Variants in ZBTB16 observed in about 807,000 individuals in gnomAD.
ZBTB16 encodes the protein zinc finger and BTB domain containing 16.
A neutral mutation model predicts 56.8 loss-of-function variants in ZBTB16; 8 were observed. The observed-to-expected ratio is 0.14, with a 90% CI of 0.08 to 0.25. The LOEUF (loss-of-function observed/expected upper bound fraction) is 0.25. Among genes scored for constraint, ZBTB16 ranks in the 10% least tolerant of loss-of-function variants. ZBTB16 has a pLI of 1.00. For synonymous variants in ZBTB16, 363 were observed against 368.5 expected, an observed-to-expected ratio of 0.98 and a Z score of 0.17; for missense variants, 625 against 903.0, an observed-to-expected ratio of 0.69 and a Z score of 3.95.
chr11:114,132,702 G>A (rs890620349), intron 2 of ZBTB16, among the ~76,000 whole-genome samples: 13 of 152,216 alleles, frequency 8.5e-5, no homozygotes, highest in Non-Finnish European at 1.2e-4. Context: ...ACCAGGTTTT[G>A]AGTCCATCTC....
chr11:114,177,955 T>TA (rs1255929076), intron 3 of ZBTB16, among the ~76,000 whole-genome samples: 1 of 152,218 alleles, frequency 6.6e-6, no homozygotes, highest in East Asian at 1.9e-4. Context: ...CATGTATTTT[T>TA]AAAAACATAA....
intron 4 of ZBTB16, among the ~76,000 whole-genome samples, chr11:114,229,090 G>A (rs949778584): frequency 4.6e-5 from 7 of 152,208 alleles, no homozygotes; most frequent in African/African-American, 1.4e-4. Flanking sequence ...ACGTCTCAAA[G>A]TCAGATCCCT....
rs1943433810 is a variant in ZBTB16, at chr11:114,189,166, A to AT, written c.1453+2131dup. 4 of 152,246 alleles carry AT rather than the reference A, an allele frequency of 2.6e-5. No individual in the cohort carries two copies. In the South Asian group the frequency reaches 8.3e-4, roughly 32 times the overall value. The allele number at this position is 152,246 out of a possible 1,614,324, so 9.4% of individuals were successfully genotyped here. A position where few individuals can be genotyped will look rare whatever the true frequency, so the allele number is the denominator to read the frequency against. ...TGAGTCCTTTGGAGGGTGACAAAAT[A>AT]TTTGCAAATCATATATTTGATGAGG... On this transcript the variant is annotated intron_variant, in intron 4 of 6. Coordinates refer to ENST00000335953, the MANE Select transcript of ZBTB16 (RefSeq NM_006006.6).
chr11:114,230,279 A>T (rs1944411275), intron 4 of ZBTB16, among the ~76,000 whole-genome samples: 1 of 152,220 alleles, frequency 6.6e-6, no homozygotes, highest in South Asian at 2.1e-4. Flanking sequence ...AAACGCAAGG[A>T]GCCCTGAATC....
intron 4 of ZBTB16, among the ~76,000 whole-genome samples, chr11:114,194,938 G>A (rs866092876): frequency 1.3e-5 from 2 of 152,198 alleles, no homozygotes; most frequent in East Asian, 3.8e-4. Flanking sequence ...TTTAATGACC[G>A]ATCAGTAATA....
At chr11:114,133,885 G>A (rs1941733072) in intron 2 of ZBTB16, among the ~76,000 whole-genome samples, 1 of 152,236 alleles carries the variant, frequency 6.6e-6, no homozygotes, top group East Asian at 1.9e-4. Context: ...TTCTCAGGCA[G>A]CTATCCCTCA....
chr11:114,176,229 C>T (rs1471507686), intron 3 of ZBTB16, among the ~76,000 whole-genome samples: 1 of 152,110 alleles, frequency 6.6e-6, no homozygotes, highest in East Asian at 1.9e-4. Flanking sequence ...CAAGGGGAGA[C>T]CTGGGAGGAG....
At chr11:114,169,593 C>CT (rs1942895921) in intron 3 of ZBTB16, among the ~76,000 whole-genome samples, 1 of 152,148 alleles carries the variant, frequency 6.6e-6, no homozygotes, top group Non-Finnish European at 1.5e-5. Flanking sequence ...GTGTGCAAAG[C>CT]TTGGCAGGGT....
intron 3 of ZBTB16, among the ~76,000 whole-genome samples, chr11:114,179,413 A>C (rs1430961340): frequency 6.6e-6 from 1 of 152,162 alleles, no homozygotes; most frequent in Admixed American, 6.5e-5. Flanking sequence ...AGGTACTGTA[A>C]ATAAAACTGT....
At chr11:114,148,336 G>GCTTGCTTGCTTC (rs1555143870) in intron 2 of ZBTB16, among the ~76,000 whole-genome samples, 3 of 52,564 alleles carry the variant, frequency 5.7e-5, no homozygotes. Context: ...TGGCTGGCTG[G>GCTTGCTTGCTTC]CTTCCTTCCT....
Position 114,098,678 on chromosome 11 carries a change from C to T in ZBTB16, c.1268+34110C>T, listed in dbSNP as rs116837465. On this transcript the variant is annotated intron_variant, in intron 2 of 6. Coordinates refer to ENST00000335953, the MANE Select transcript of ZBTB16 (RefSeq NM_006006.6). Reference sequence around the variant, plus strand: ...GTGGGCCAAGAAGCAAGGGAAGAGTCCAATATAACATACTTAATGGATGGA... The same window carrying T: ...GTGGGCCAAGAAGCAAGGGAAGAGTTCAATATAACATACTTAATGGATGGA... Among the ~76,000 whole-genome samples, 252 of 152,182 alleles carry T rather than the reference C, an allele frequency of 1.7e-3. 1 individual carries two copies. The highest frequency in any genetic ancestry group is 5.9e-3 in the African/African-American group (243 of 41,514).
intron 4 of ZBTB16, among the ~76,000 whole-genome samples, chr11:114,212,624 T>G (rs1944019202): frequency 6.6e-6 from 1 of 152,182 alleles, no homozygotes; most frequent in Non-Finnish European, 1.5e-5. Context: ...TTCTCTGTAT[T>G]TCCTAGTGCT....
At chr11:114,118,264 C>A (rs915650148) in intron 2 of ZBTB16, among the ~76,000 whole-genome samples, 7 of 152,192 alleles carry the variant, frequency 4.6e-5, no homozygotes, top group African/African-American at 1.7e-4. Flanking sequence ...GCAACCTCCA[C>A]CTCCTGGGTT....
rs566101949 is a variant in ZBTB16, at chr11:114,135,531, G to A, written c.1269-20806G>A. On this transcript the variant is annotated intron_variant, in intron 2 of 6. Transcript: ENST00000335953. ...TCAGTGTCAGAGTCAGAGGAGGAGT[G>A]AGCCATGGGCCCAGGAATGAGAGCA... Among the ~76,000 whole-genome samples the A allele has an allele frequency of 7.6e-4, 116 of 152,244 alleles. 3 individuals carry two copies. In the South Asian group the frequency reaches 0.024, roughly 31 times the overall value.
intron 4 of ZBTB16, among the ~76,000 whole-genome samples, chr11:114,219,686 C>T (rs1314245971): frequency 2.0e-5 from 3 of 151,850 alleles, no homozygotes; most frequent in South Asian, 2.1e-4. Flanking sequence ...TTTAAACAGT[C>T]AGAGGACAAT....
At chr11:114,198,350 A>G (rs998115259) in intron 4 of ZBTB16, among the ~76,000 whole-genome samples, 1 of 152,164 alleles carries the variant, frequency 6.6e-6, no homozygotes, top group Non-Finnish European at 1.5e-5. Flanking sequence ...ACCTAATTTC[A>G]TGCTGTTACT....
At chr11:114,103,501 T>C (rs1940686048) in intron 2 of ZBTB16, among the ~76,000 whole-genome samples, 2 of 152,182 alleles carry the variant, frequency 1.3e-5, no homozygotes, top group Non-Finnish European at 2.9e-5. Flanking sequence ...TACATTTGTG[T>C]TTTGTGTTTT....
chr11:114,230,633 G>GGC (rs1555159023), intron 4 of ZBTB16, among the ~76,000 whole-genome samples: 2 of 133,860 alleles, frequency 1.5e-5, no homozygotes, highest in South Asian at 2.7e-4. Context: ...ATCTTCTGTG[G>GGC]GGGGGGGGCG....
intron 2 of ZBTB16, among the ~76,000 whole-genome samples, chr11:114,111,156 C>CATGTGTGTGTGTGTGTGT (rs113987370): frequency 2.0e-5 from 3 of 148,848 alleles, no homozygotes; most frequent in African/African-American, 7.4e-5. Flanking sequence ...ATCTGTGCTG[C>CATGTGTGTGTGTGTGTGT]GTGTGTGTGT....
Sources: allele counts gnomAD v4.1 joint callset (sites outside exome capture counted in the v4.1 genomes callset), GRCh38; gene constraint gnomAD v4.1.1; transcripts MANE v1.5; gene names NCBI Gene and HGNC (gene_info 2026-07-23, HGNC 2026-07-21).